The following MYO18B variants were observed in gnomAD, a reference collection of about 807,000 sequenced individuals.
The protein encoded by MYO18B is unconventional myosin-XVIIIb.
Under a neutral mutation model 273.0 loss-of-function variants are expected in MYO18B, and 204 were observed. That is an observed-to-expected ratio of 0.75 (90% CI 0.67 to 0.84). The LOEUF (loss-of-function observed/expected upper bound fraction) is 0.84. MYO18B is among the 40% of genes least tolerant of loss of function. The pLI, the probability that MYO18B is intolerant of heterozygous loss-of-function variation, is 0.00. For synonymous variants in MYO18B, 1,330 were observed against 1,305.7 expected (o/e 1.02, Z -0.40); for missense variants, 3,212 against 3,287.6 (o/e 0.98, Z 0.56).
At position 25,863,357 on chromosome 22, in the gene MYO18B, C is replaced by G. The variant is rs187771852; in HGVS notation, c.3886-4963C>G. ...ATACTTTCTACTGTTTCCCCTCACC[C>G]TTAGTTTGGATCATAATTTTACGTT... is the stretch of plus-strand genomic sequence containing the variant. On this transcript the variant is annotated intron_variant, in intron 21 of 43. Coordinates refer to ENST00000335473, the MANE Select transcript of MYO18B (RefSeq NM_032608.7). Among the ~76,000 whole-genome samples the G allele has an allele frequency of 8.5e-5, 13 of 152,248 alleles. No individual in the cohort carries two copies. In the East Asian group the frequency reaches 2.3e-3, roughly 27 times the overall value.
At chr22:25,893,685 G>A (rs918085208) in intron 27 of MYO18B, among the ~76,000 whole-genome samples, 8 of 152,020 alleles carry the variant, frequency 5.3e-5, no homozygotes, top group South Asian at 4.2e-4. Flanking sequence ...TATACCATCC[G>A]TTATTTGGTT....
chr22:25,753,104 G>A (rs1252499924), intron 1 of MYO18B, among the ~76,000 whole-genome samples: 1 of 152,184 alleles, frequency 6.6e-6, no homozygotes, highest in African/African-American at 2.4e-5. Context: ...AGGATCGCGC[G>A]CGGCCAGAGC....
chr22:25,768,518 G>C lies in MYO18B; in HGVS notation c.602G>C (p.Gly201Ala). 1 of 1,579,356 alleles carries C rather than the reference G, an allele frequency of 6.3e-7. No individual in the cohort carries two copies. The highest frequency in any genetic ancestry group is 8.6e-7 in the Non-Finnish European group (1 of 1,163,848). ...GGGGAGACCTCTAGGACTCCTTGTG[G>C]CTCCCAGGCCAGCACCGAGATCTTG... Reference protein sequence around the residue: ...KKGETSRTPCGSQASTEILAP... With the variant: ...KKGETSRTPCASQASTEILAP... The change falls in exon 4 of 44, where the codon GGC (glycine) becomes GCC (alanine). Residue 201 changes from glycine to alanine, a missense_variant. Physicochemically the swap from Gly to Ala is moderately conservative, Grantham distance 60. Coordinates refer to ENST00000335473, the MANE Select transcript of MYO18B (RefSeq NM_032608.7).
intron 41 of MYO18B, 53 bp downstream of exon 41, chr22:26,003,362 C>G (rs374440985): frequency 7.2e-6 from 11 of 1,518,286 alleles, no homozygotes; most frequent in African/African-American, 4.1e-5. Flanking sequence ...GCCCCTGGCT[C>G]TCTCTGTCCA....
chr22:25,867,265 G>A (rs568639563), intron 21 of MYO18B, among the ~76,000 whole-genome samples: 2 of 152,246 alleles, frequency 1.3e-5, no homozygotes, highest in African/African-American at 2.4e-5. Context: ...CGTTATACCC[G>A]TTAAACAATA....
intron 39 of MYO18B, among the ~76,000 whole-genome samples, chr22:25,965,320 T>G (rs1286811150): frequency 6.6e-6 from 1 of 152,224 alleles, no homozygotes; most frequent in Non-Finnish European, 1.5e-5. Context: ...TGTGAAGGCC[T>G]TGTTCCCCTC....
chr22:25,785,938 T>C (rs1569016338), intron 11 of MYO18B, among the ~76,000 whole-genome samples: 1 of 152,160 alleles, frequency 6.6e-6, no homozygotes, highest in African/African-American at 2.4e-5. Context: ...TAGGGTGCTC[T>C]TTGTCAGTAC....
chr22:25,913,602 T>A (rs1308782486), intron 33 of MYO18B, among the ~76,000 whole-genome samples: 1 of 152,190 alleles, frequency 6.6e-6, no homozygotes, highest in Admixed American at 6.5e-5. Flanking sequence ...TCTCGTGACC[T>A]CGTGATCCAC....
At chr22:25,885,792 C>T (rs1163795279) in intron 25 of MYO18B, among the ~76,000 whole-genome samples, 2 of 152,152 alleles carry the variant, frequency 1.3e-5, no homozygotes, top group African/African-American at 4.8e-5. Context: ...TTGAAACCCC[C>T]TTATAAAGCC....
chr22:25,908,209 C>G (rs2092085692), intron 31 of MYO18B, 113 bp from the exon 32 acceptor site: 2 of 802,378 alleles, frequency 2.5e-6, no homozygotes. Context: ...TAACTTGACT[C>G]TCATTTATGT....
chr22:25,912,498 G>A (rs2092177629), intron 33 of MYO18B, among the ~76,000 whole-genome samples: 1 of 152,146 alleles, frequency 6.6e-6, no homozygotes, highest in Admixed American at 6.5e-5. Context: ...AAGTTTAAAT[G>A]AATAAAAAGC....
At chr22:25,942,214 A>G (rs1016852003) in intron 34 of MYO18B, among the ~76,000 whole-genome samples, 1 of 152,230 alleles carries the variant, frequency 6.6e-6, no homozygotes, top group Non-Finnish European at 1.5e-5. Flanking sequence ...CCAAGCTCTG[A>G]ACCACACACA....
intron 6 of MYO18B, 85 bp from the exon 7 acceptor site, chr22:25,772,249 T>G: frequency 1.5e-5 from 18 of 1,210,516 alleles, no homozygotes; most frequent in Middle Eastern, 2.8e-4. Context: ...GGGCTTAGTG[T>G]GTGTTTGGTT....
Position 25,780,079 on chromosome 22 carries a change from A to G in MYO18B, c.2092A>G (p.Thr698Ala). ...VSVEKIRATF[T>A]VLRAFGSVSM... ...AGTGGAGAAGATCCGAGCCACCTTCACTGTCCTCCGGGCCTTCGGCTCTGT... is the reference window on the plus strand; with the variant it reads ...AGTGGAGAAGATCCGAGCCACCTTCGCTGTCCTCCGGGCCTTCGGCTCTGT... Residue 698 changes from threonine to alanine, a missense_variant, in exon 9 of 44, where the codon ACT (threonine) becomes GCT (alanine). Coordinates refer to ENST00000335473, the MANE Select transcript of MYO18B (RefSeq NM_032608.7). 6.3e-7 allele frequency: 1 copy of G among 1,596,180 alleles called. No individual in the cohort carries two copies. Among genetic ancestry groups the G allele is most frequent in the Admixed American group, 1.7e-5 (1 of 58,234 alleles).
intron 2 of MYO18B, chr22:25,762,953 C>T: frequency 3.3e-6 from 2 of 606,626 alleles, no homozygotes; most frequent in Admixed American, 1.9e-5. Flanking sequence ...CTTGACCATA[C>T]AAGTGACTGT....
Position 25,761,177 on chromosome 22 carries a change from A to G in MYO18B, c.39+46A>G, listed in dbSNP as rs17623980. The G allele has an allele frequency of 0.21, 330,300 of 1,606,262 alleles. 34,806 individuals carry two copies. Among genetic ancestry groups the G allele is most frequent in the Middle Eastern group, 0.27 (1,620 of 6,050 alleles). ...GGGCTGCAGCCATCTGCAGGGACTGACTCGACCCTCGGGAGACAAGTCCGA... is the reference window on the plus strand; with the variant it reads ...GGGCTGCAGCCATCTGCAGGGACTGGCTCGACCCTCGGGAGACAAGTCCGA... On this transcript the variant is annotated intron_variant, in intron 2 of 43. Coordinates refer to ENST00000335473, the MANE Select transcript of MYO18B (RefSeq NM_032608.7).
rs765408235 is a variant in MYO18B at position 25,769,383 on chromosome 22, C to T, written c.1467C>T (p.Ala489=). Residue 489 remains alanine, a synonymous_variant, in exon 4 of 44, where the codon GCC becomes GCT. Transcript: ENST00000335473. ...RIRKENQDGP[A]PQEEGKGGQS... ...GGAAGGAGAACCAAGACGGGCCAGC[C>T]CCGCAGGAGGAGGGCAAAGGAGGCC... 3.2e-6 allele frequency: 5 copies of T among 1,571,398 alleles called. No homozygotes were observed. The South Asian group carries it at 3.5e-5, about 11-fold the overall frequency.
In MYO18B at chr22:25,883,283, A is replaced by C. The variant is rs974049627; in HGVS notation, c.4314+5235A>C. The C allele has an allele frequency of 6.6e-6, 1 of 152,120 alleles. No homozygotes were observed. The highest frequency in any genetic ancestry group is 1.5e-5 in the Non-Finnish European group (1 of 68,042). 9.4% of individuals were successfully genotyped at this position (152,120 alleles called of 1,614,324 possible). On this transcript the variant is annotated intron_variant, in intron 25 of 43. Coordinates refer to ENST00000335473, the MANE Select transcript of MYO18B (RefSeq NM_032608.7). The surrounding 1 kb of genome is among the most constrained non-coding windows in gnomAD (Gnocchi z 7.6). ...CCTCCTGAGGGTCTGACCCAAGAGG[A>C]GGTTCTTGGTATGGGGGGTAGGGAG...
chr22:25,906,340 C>T (rs570704192), intron 31 of MYO18B, among the ~76,000 whole-genome samples: 94 of 152,174 alleles, frequency 6.2e-4, no homozygotes, highest in Non-Finnish European at 1.2e-3. Context: ...GATTATCTTC[C>T]CACAACCCCT....
Sources: gnomAD v4.1 joint callset for allele counts (sites outside exome capture counted in the v4.1 genomes callset) on GRCh38, gnomAD v4.1.1 for gene constraint, Gnocchi (gnomAD v3.1) non-coding constraint, MANE v1.5 for transcripts, NCBI Gene and HGNC (gene_info 2026-07-23, HGNC 2026-07-21) for gene names.